SLC35E4: variants seen among roughly 807,000 people sequenced by gnomAD.
SLC35E4 encodes the protein solute carrier family 35 member E4.
Under a neutral mutation model 19.3 loss-of-function variants are expected in SLC35E4, and 15 were observed. That is an observed-to-expected ratio of 0.78 (90% confidence interval 0.52 to 1.20). SLC35E4 has a LOEUF of 1.20. Among genes scored for constraint, SLC35E4 ranks in the 50% most tolerant of loss-of-function variants. SLC35E4 has a pLI of 0.00. For synonymous variants in SLC35E4, 219 were observed against 219.9 expected (o/e 1.00, Z 0.04); for missense variants, 406 against 472.3 (o/e 0.86, Z 1.30).
At chr22:30,646,160 A>G (rs1391516096) in intron 1 of SLC35E4, among the ~76,000 whole-genome samples, 2 of 152,214 alleles carry the variant, frequency 1.3e-5, no homozygotes, top group Non-Finnish European at 2.9e-5. Context: ...TCATTTAGAT[A>G]TCCCAAGCAT....
chr22:30,666,135 A>AG (rs2088648350), downstream of SLC35E4, among the ~76,000 whole-genome samples: 1 of 152,200 alleles, frequency 6.6e-6, no homozygotes, highest in African/African-American at 2.4e-5. Context: ...CTAAATGCTA[A>AG]GGAATGTTCT....
intron 1 of SLC35E4, among the ~76,000 whole-genome samples, chr22:30,642,882 T>C (rs1401472184): frequency 6.6e-6 from 1 of 150,936 alleles, no homozygotes; most frequent in African/African-American, 2.4e-5. Context: ...TACAAAAAAA[T>C]AGCCAGGTGT....
downstream of SLC35E4, among the ~76,000 whole-genome samples, chr22:30,649,662 G>C (rs1393652727): frequency 6.7e-6 from 1 of 149,374 alleles, no homozygotes; most frequent in East Asian, 1.9e-4. Context: ...GAGCAGCTTG[G>C]GTACCTCTGG....
intron 2 of SLC35E4, among the ~76,000 whole-genome samples, chr22:30,658,452 A>T (rs1044513978): frequency 2.6e-5 from 4 of 151,968 alleles, no homozygotes; most frequent in Admixed American, 2.6e-4. Context: ...ACTCTGACAA[A>T]GCGGAATCCT....
chr22:30,647,937 G>A (rs1358406552), downstream of SLC35E4: 1 of 152,164 alleles, frequency 6.6e-6, no homozygotes, highest in African/African-American at 2.4e-5. Flanking sequence ...TATAGGGAGA[G>A]TGGTAGGCTT....
At chr22:30,640,369 CAAAA>C (rs34746167) in intron 1 of SLC35E4, among the ~76,000 whole-genome samples, 8 of 115,440 alleles carry the variant, frequency 6.9e-5, no homozygotes, top group East Asian at 2.4e-4. Flanking sequence ...GACTCCATCT[CAAAA>C]AAAAAAAAAA....
chr22:30,637,664 A>G (rs2087973050), intron 1 of SLC35E4, among the ~76,000 whole-genome samples: 1 of 152,136 alleles, frequency 6.6e-6, no homozygotes, highest in Non-Finnish European at 1.5e-5. Flanking sequence ...TTCTGGAATT[A>G]CAAACCAGTA....
chr22:30,641,226 G>C (rs906893993), intron 1 of SLC35E4, among the ~76,000 whole-genome samples: 4 of 152,220 alleles, frequency 2.6e-5, no homozygotes, highest in Admixed American at 2.6e-4. Context: ...TGCAGGAGGG[G>C]CAATGGCCGG....
exon 3 of SLC35E4, chr22:30,663,273 G>T (rs747420326): frequency 7.0e-6 from 5 of 710,128 alleles, no homozygotes; most frequent in Non-Finnish European, 1.1e-5. Context: ...TAAAAAAAAT[G>T]GATTATAAAG....
At chr22:30,655,872 C>A (rs1298468803) in intron 2 of SLC35E4, among the ~76,000 whole-genome samples, 2 of 152,006 alleles carry the variant, frequency 1.3e-5, no homozygotes, top group African/African-American at 4.8e-5. Context: ...ACATTCCTCC[C>A]AAGCTCCTTC....
downstream of SLC35E4, chr22:30,663,312 C>T (rs2088532694): frequency 2.2e-6 from 2 of 925,026 alleles, no homozygotes; most frequent in Admixed American, 2.9e-5. Context: ...CTTTTTTGTG[C>T]TCATAAAAGG....
chr22:30,662,030 A>ATTTTTTTTTTTTTT (rs33914926), intron 2 of SLC35E4: 2 of 132,196 alleles, frequency 1.5e-5, no homozygotes, highest in Non-Finnish European at 1.6e-5. Context: ...GACTTAAACC[A>ATTTTTTTTTTTTTT]TTTTTTTTTT....
Position 30,646,733 on chromosome 22 carries a change from C to T in SLC35E4, c.755C>T (p.Ser252Phe). 1 of 1,613,428 alleles carries T rather than the reference C, an allele frequency of 6.2e-7. No individual in the cohort carries two copies. Among genetic ancestry groups the T allele is most frequent in the South Asian group, 1.1e-5 (1 of 91,050 alleles). The change falls in exon 2 of 2, where the codon TCT becomes TTT. Residue 252 changes from serine to phenylalanine, a missense_variant. Physicochemically the swap from Ser to Phe is radical, Grantham distance 155 (BLOSUM62 -2). Transcript: ENST00000343605. ...GCCCCACCGCCCACTGCTGGCGACT[C>T]TCGCCTCTGGGCCTGCATCCTGCTC... Reference protein sequence around the residue: ...GVAPPPTAGDSRLWACILLSC... With the variant: ...GVAPPPTAGDFRLWACILLSC...
downstream of SLC35E4, chr22:30,652,175 A>T (rs1202016738): frequency 6.6e-6 from 1 of 152,198 alleles, no homozygotes; most frequent in African/African-American, 2.4e-5. Flanking sequence ...TTGGTCAGGG[A>T]TGAAATCACA....
At chr22:30,641,017 T>A (rs2088027667) in intron 1 of SLC35E4, among the ~76,000 whole-genome samples, 1 of 152,184 alleles carries the variant, frequency 6.6e-6, no homozygotes, top group African/African-American at 2.4e-5. Context: ...CCCAGTTCTA[T>A]TTTTTGCCCT....
At chr22:30,654,731 T>C in intron 2 of SLC35E4, 1 of 293,948 alleles carries the variant, frequency 3.4e-6, no homozygotes, top group East Asian at 1.1e-4. Flanking sequence ...ACCACCACCT[T>C]CCGGCCTGCT....
chr22:30,649,237 C>T, downstream of SLC35E4: 2 of 717,250 alleles, frequency 2.8e-6, no homozygotes, highest in Non-Finnish European at 5.2e-6. Context: ...TGGGCAGGGC[C>T]AGGAGTGAGG....
At chr22:30,651,381 G>T (rs1234489898), downstream of SLC35E4, among the ~76,000 whole-genome samples, 3,042 of 31,146 alleles carry the variant, frequency 0.098, 154 homozygotes, top group East Asian at 0.42. Context: ...TTGTGTGTGT[G>T]TGTGTGTGTG....
At chr22:30,645,595 CAAAAAAAA>C (rs1157239877) in intron 1 of SLC35E4, among the ~76,000 whole-genome samples, 2 of 82,134 alleles carry the variant, frequency 2.4e-5, no homozygotes, top group Non-Finnish European at 5.2e-5. Flanking sequence ...ACTCTGTCTC[CAAAAAAAA>C]AAAAAAAAAA....
Sources: allele counts gnomAD v4.1 joint callset (sites outside exome capture counted in the v4.1 genomes callset), GRCh38; gene constraint gnomAD v4.1.1; transcripts MANE v1.5; gene names NCBI Gene and HGNC (gene_info 2026-07-23, HGNC 2026-07-21).